Variants in ADAMTSL1 observed in about 807,000 individuals in gnomAD.
ADAMTSL1 encodes the protein ADAMTS like 1.
ADAMTSL1 carries 126 observed loss-of-function variants against 201.8 expected under a neutral mutation model. The observed-to-expected ratio is 0.62, with a 90% CI of 0.54 to 0.72. ADAMTSL1 has a LOEUF of 0.72. ADAMTSL1 is among the 30% of genes least tolerant of loss of function. The pLI, the probability that ADAMTSL1 is intolerant of heterozygous loss-of-function variation, is 0.00. For missense variants in ADAMTSL1, 2,679 were observed against 2,277.8 expected, an observed-to-expected ratio of 1.18 and a Z score of -3.59; for synonymous variants, 1,121 against 903.4, an observed-to-expected ratio of 1.24 and a Z score of -4.32.
chr9:18,258,775 G>A (rs1831797906), intron 2 of ADAMTSL1, among the ~76,000 whole-genome samples: 1 of 152,126 alleles, frequency 6.6e-6, no homozygotes, highest in African/African-American at 2.4e-5. Context: ...CACACACCAG[G>A]TTGTCTCTCA....
intron 1 of ADAMTSL1, among the ~76,000 whole-genome samples, chr9:18,104,023 A>G (rs1476296437): frequency 6.6e-6 from 1 of 151,916 alleles, no homozygotes. Context: ...TTACTTTATC[A>G]TGTGTGTGTG....
chr9:18,243,580 T>C (rs1397149043), intron 2 of ADAMTSL1, among the ~76,000 whole-genome samples: 2 of 152,022 alleles, frequency 1.3e-5, no homozygotes, highest in African/African-American at 2.4e-5. Context: ...TCTATAATCA[T>C]ATGTTCATCC....
intron 1 of ADAMTSL1, among the ~76,000 whole-genome samples, chr9:17,943,554 G>C (rs955842835): frequency 6.6e-6 from 1 of 152,058 alleles, no homozygotes. Context: ...AGACACACTT[G>C]TTTTGTCTCT....
intron 1 of ADAMTSL1, among the ~76,000 whole-genome samples, chr9:17,949,479 C>T (rs889964680): frequency 3.9e-5 from 6 of 151,940 alleles, no homozygotes; most frequent in Admixed American, 6.6e-5. Flanking sequence ...GGAAAGATGC[C>T]CTAAGGCCCT....
chr9:18,666,561 A>C (rs1356382120), intron 9 of ADAMTSL1, among the ~76,000 whole-genome samples: 1 of 152,064 alleles, frequency 6.6e-6, no homozygotes, highest in Non-Finnish European at 1.5e-5. Context: ...TTCCCATGTG[A>C]CTAAGACATT....
intron 15 of ADAMTSL1, among the ~76,000 whole-genome samples, chr9:18,725,937 C>T (rs986473513): frequency 3.3e-5 from 5 of 152,138 alleles, no homozygotes; most frequent in Non-Finnish European, 7.4e-5. Context: ...AAATCTTTTA[C>T]ATCCCTGAGA....
At chr9:18,125,967 A>T (rs963131899) in intron 1 of ADAMTSL1, among the ~76,000 whole-genome samples, 3 of 152,118 alleles carry the variant, frequency 2.0e-5, no homozygotes, top group Admixed American at 6.6e-5. Context: ...CCTGGGACAA[A>T]CTATTCAATT....
chr9:18,294,536 T>A (rs532536219), intron 2 of ADAMTSL1, among the ~76,000 whole-genome samples: 1 of 152,272 alleles, frequency 6.6e-6, no homozygotes, highest in African/African-American at 2.4e-5. Context: ...TTTTCCAGGT[T>A]TGCACAGAGG....
intron 13 of ADAMTSL1, among the ~76,000 whole-genome samples, chr9:18,688,675 A>AT (rs1421552240): frequency 3.3e-5 from 1 of 30,650 alleles, no homozygotes; most frequent in Non-Finnish European, 7.4e-5. Context: ...AAAAAAAAAA[A>AT]AAAAAAAAAA....
intron 2 of ADAMTSL1, among the ~76,000 whole-genome samples, chr9:18,376,528 G>T (rs77471700): frequency 2.6e-5 from 4 of 152,202 alleles, no homozygotes; most frequent in African/African-American, 7.2e-5. Flanking sequence ...CTTAGGGCCC[G>T]GGGCGGTGGC....
intron 2 of ADAMTSL1, among the ~76,000 whole-genome samples, chr9:18,383,917 A>C (rs1045438665): frequency 6.6e-6 from 1 of 152,136 alleles, no homozygotes; most frequent in African/African-American, 2.4e-5. Flanking sequence ...GCAGATTCTG[A>C]TTCAGTAGGT....
intron 2 of ADAMTSL1, among the ~76,000 whole-genome samples, chr9:18,520,475 C>G (rs1222808737): frequency 6.6e-6 from 1 of 152,206 alleles, no homozygotes; most frequent in East Asian, 1.9e-4. Flanking sequence ...AATATGTTAT[C>G]TATGCCAAAG....
chr9:18,677,791 T>A (rs1052187803), intron 10 of ADAMTSL1, among the ~76,000 whole-genome samples: 3 of 152,080 alleles, frequency 2.0e-5, no homozygotes, highest in African/African-American at 7.2e-5. Flanking sequence ...TGTATCACAA[T>A]GGGAAAGAAC....
chr9:18,896,866 G>C (rs1282294733), intron 26 of ADAMTSL1, among the ~76,000 whole-genome samples: 1 of 152,058 alleles, frequency 6.6e-6, no homozygotes, highest in African/African-American at 2.4e-5. Flanking sequence ...GGGAATCCCA[G>C]CAGACAAGCA....
intron 2 of ADAMTSL1, among the ~76,000 whole-genome samples, chr9:18,508,301 T>C (rs1817804810): frequency 6.6e-6 from 1 of 152,218 alleles, no homozygotes; most frequent in South Asian, 2.1e-4. Context: ...TCTGTATCAC[T>C]TCACAAGTTT....
At chr9:18,651,122 G>A (rs1423158696) in intron 7 of ADAMTSL1, 1 of 152,222 alleles carries the variant, frequency 6.6e-6, no homozygotes, top group Non-Finnish European at 1.5e-5. Flanking sequence ...GGAACAATGT[G>A]GCAGATGTGG....
chr9:18,376,084 G>A (rs943719904), intron 2 of ADAMTSL1, among the ~76,000 whole-genome samples: 1 of 152,172 alleles, frequency 6.6e-6, no homozygotes, highest in Non-Finnish European at 1.5e-5. Context: ...AGTCCAGCTG[G>A]CTTCACCTTT....
At chr9:18,010,708 A>G (rs187320054) in intron 1 of ADAMTSL1, among the ~76,000 whole-genome samples, 1 of 152,136 alleles carries the variant, frequency 6.6e-6, no homozygotes, top group East Asian at 1.9e-4. Flanking sequence ...CAAATAGGAC[A>G]TGCAGGCCTA....
intron 2 of ADAMTSL1, among the ~76,000 whole-genome samples, chr9:18,240,189 A>T (rs1413310018): frequency 2.6e-5 from 4 of 152,204 alleles, no homozygotes; most frequent in Non-Finnish European, 5.9e-5. Context: ...AAATAATAAG[A>T]TGTGAAAGTC....
Sources: allele counts gnomAD v4.1 joint callset (sites outside exome capture counted in the v4.1 genomes callset), GRCh38; gene constraint gnomAD v4.1.1; transcripts MANE v1.5; gene names NCBI Gene and HGNC (gene_info 2026-07-23, HGNC 2026-07-21).